The following FIGNL2 variants were observed in gnomAD, a reference collection of about 807,000 sequenced individuals.
The protein encoded by FIGNL2 is fidgetin like 2, also known as fidgetin-like protein 2.
For missense variants in FIGNL2, 1,060 were observed against 950.2 expected (o/e 1.12, Z -1.52); for synonymous variants, 565 against 484.0 (o/e 1.17, Z -2.20).
chr12:51,827,160 G>C (rs1033049927), intron 1 of FIGNL2, among the ~76,000 whole-genome samples: 5 of 152,190 alleles, frequency 3.3e-5, no homozygotes, highest in African/African-American at 1.2e-4. Context: ...TCCCACAGGA[G>C]CCTCAGGAAG....
At chr12:51,826,939 CAT>C (rs1031283890) in intron 1 of FIGNL2, among the ~76,000 whole-genome samples, 5 of 152,258 alleles carry the variant, frequency 3.3e-5, no homozygotes, top group Non-Finnish European at 5.9e-5. Context: ...GCTGCAGGCA[CAT>C]GTGCATATGT....
intron 1 of FIGNL2, chr12:51,845,462 C>CG: frequency 1.2e-6 from 1 of 812,268 alleles, no homozygotes; most frequent in East Asian, 1.6e-4. Flanking sequence ...GGCTCACCGC[C>CG]CCCCCCCCAC....
chr12:51,821,421 C>T lies in FIGNL2; in HGVS notation c.993G>A (p.Lys331=), dbSNP rs116545797. The change falls in exon 2 of 2, where the codon AAG becomes AAA. Residue 331 remains lysine, a synonymous_variant. Coordinates refer to ENST00000618634, the MANE Select transcript of FIGNL2 (RefSeq NM_001384995.1). ...GGCCGTAGACGGGGGAGCCCAGGAC[C>T]TTGAGGGGGACGCCGCCACCGTACT... The part of the protein sequence containing the change: ...SGKYGGGVPL[K]VLGSPVYGPQ... 0.039 allele frequency: 60,377 copies of T among 1,538,262 alleles called. 2,080 individuals are homozygous for T. The highest frequency in any genetic ancestry group is 0.15 in the African/African-American group (10,443 of 71,372).
In FIGNL2 at chr12:51,848,075, C is replaced by T. The variant is rs990181654; in HGVS notation, c.-12+465G>A. On this transcript the variant is annotated intron_variant, in intron 1 of 1. Coordinates refer to ENST00000618634, the MANE Select transcript of FIGNL2 (RefSeq NM_001384995.1). ...ATCTCCGGGCCAGTAACCCAGCCCC[C>T]ACCCCTCCCACACACACACACAGGG... 1.4e-5 allele frequency: 13 copies of T among 921,788 alleles called. No homozygotes were observed. The Admixed American group carries it at 9.1e-4, about 64-fold the overall frequency. 57.1% of individuals were successfully genotyped at this position (921,788 alleles called of 1,614,324 possible).
At position 51,822,733 on chromosome 12, in the gene FIGNL2, C is replaced by A. The variant is rs539703928; in HGVS notation, c.-11-309G>T. Among the ~76,000 whole-genome samples the A allele has an allele frequency of 2.0e-5, 3 of 152,372 alleles. No homozygotes were observed. In the South Asian group the frequency reaches 6.2e-4, roughly 32 times the overall value. The stretch of plus-strand genomic sequence containing the variant: ...TTGTCCTGGCCACTCCAGCCATGTC[C>A]TTTGCAGGACACGTGATCCTTACTT... On this transcript the variant is annotated intron_variant, in intron 1 of 1. Transcript: ENST00000618634.
Position 51,821,157 on chromosome 12 carries a change from C to T in FIGNL2, c.1257G>A (p.Pro419=), listed in dbSNP as rs941382428. Residue 419 remains proline (P), a synonymous_variant, in exon 2 of 2, where the codon CCG becomes CCA. Coordinates refer to ENST00000618634, the MANE Select transcript of FIGNL2 (RefSeq NM_001384995.1). ...CGGTCCGCGGCGGGCGCAGGCTGCC[C>T]GGGTAGGCGGGCGGCCTGAGCAGGG... The part of the protein sequence containing the change: ...VWPLLRPPAY[P]GSLRPPRTVL... 6.8e-6 allele frequency: 10 copies of T among 1,476,440 alleles called. No individual in the cohort carries two copies. The highest frequency in any genetic ancestry group is 3.9e-5 in the South Asian group (3 of 77,330). The allele number at this position is 1,476,440 out of a possible 1,614,324, so 91.5% of individuals were successfully genotyped here. A position where few individuals can be genotyped will look rare whatever the true frequency, so the allele number is the denominator to read the frequency against.
intron 1 of FIGNL2, chr12:51,847,464 C>G (rs929039892): frequency 6.1e-6 from 6 of 985,370 alleles, no homozygotes; most frequent in Non-Finnish European, 7.2e-6. Context: ...TTCTTCAGTC[C>G]TCTATTCTCC....
intron 1 of FIGNL2, among the ~76,000 whole-genome samples, chr12:51,843,119 T>G (rs1434529878): frequency 6.6e-6 from 1 of 152,034 alleles, no homozygotes; most frequent in Non-Finnish European, 1.5e-5. Flanking sequence ...GGTCCATAGG[T>G]GTCCACTGCA....
intron 1 of FIGNL2, chr12:51,823,409 C>G (rs1939267911): frequency 6.6e-6 from 1 of 152,224 alleles, no homozygotes; most frequent in African/African-American, 2.4e-5. Context: ...ATGTTCCTGT[C>G]TTAGAGATCA....
intron 1 of FIGNL2, among the ~76,000 whole-genome samples, chr12:51,843,004 G>A (rs1259259334): frequency 6.6e-6 from 1 of 152,206 alleles, no homozygotes; most frequent in Non-Finnish European, 1.5e-5. Flanking sequence ...GGCACTTGTG[G>A]CAAAGCAACA....
intron 1 of FIGNL2, among the ~76,000 whole-genome samples, chr12:51,843,965 C>T (rs2139002791): frequency 6.6e-6 from 1 of 152,018 alleles, no homozygotes; most frequent in South Asian, 2.1e-4. Flanking sequence ...CCAGAACTTT[C>T]ACACACACAT....
intron 1 of FIGNL2, chr12:51,841,577 C>T (rs971207948): frequency 2.0e-5 from 3 of 152,234 alleles, no homozygotes; most frequent in Non-Finnish European, 4.4e-5. Context: ...CCTGCTCCCC[C>T]AGCCCTCCTT....
At chr12:51,825,762 G>T (rs565125407) in intron 1 of FIGNL2, 3 of 151,690 alleles carry the variant, frequency 2.0e-5, no homozygotes, top group Non-Finnish European at 4.4e-5. Flanking sequence ...GACTACAGGC[G>T]CCCGCTACCA....
Position 51,821,766 on chromosome 12 carries a change from A to G in FIGNL2, c.648T>C (p.Tyr216=). 7.8e-7 allele frequency: 1 copy of G among 1,280,172 alleles called. No homozygotes were observed. Among genetic ancestry groups the G allele is most frequent in the Non-Finnish European group, 9.8e-7 (1 of 1,020,120 alleles). The allele number at this position is 1,280,172 out of a possible 1,614,324, so 79.3% of individuals were successfully genotyped here. A position where few individuals can be genotyped will look rare whatever the true frequency, so the allele number is the denominator to read the frequency against. ...GGCCTGGGGGCGGCGGGAGCGCGCC[A>G]TAGCCGGGCTGCGCTGCGTAGCCCC... ...PAGGYAAQPG[Y]GALPPPPGPP... The change falls in exon 2 of 2, where the codon TAT becomes TAC. Residue 216 remains tyrosine (Y), a synonymous_variant. Coordinates refer to ENST00000618634, the MANE Select transcript of FIGNL2 (RefSeq NM_001384995.1).
intron 1 of FIGNL2, chr12:51,845,712 C>T (rs1286622218): frequency 1.0e-6 from 1 of 976,752 alleles, no homozygotes; most frequent in Non-Finnish European, 1.2e-6. Flanking sequence ...CCCTGGCTGA[C>T]CGACGGCAGG....
chr12:51,821,148 C>A lies in FIGNL2; in HGVS notation c.1266G>T (p.Leu422=). ...AGAGCAGGACGGTCCGCGGCGGGCG[C>A]AGGCTGCCCGGGTAGGCGGGCGGCC... ...LLRPPAYPGS[L]RPPRTVLLFG... Residue 422 remains leucine (L), a synonymous_variant, in exon 2 of 2, where the codon CTG becomes CTT. Transcript: ENST00000618634. 1 of 1,464,070 alleles carries A rather than the reference C, an allele frequency of 6.8e-7. No homozygotes were observed. The highest frequency in any genetic ancestry group is 8.9e-7 in the Non-Finnish European group (1 of 1,120,446). 90.7% of individuals were successfully genotyped at this position (1,464,070 alleles called of 1,614,324 possible).
At chr12:51,830,497 T>G (rs1476087604) in intron 1 of FIGNL2, among the ~76,000 whole-genome samples, 1 of 149,158 alleles carries the variant, frequency 6.7e-6, no homozygotes, top group South Asian at 2.1e-4. Flanking sequence ...TGAGTTGTTT[T>G]TTTTTTTTTT....
Position 51,847,593 on chromosome 12 carries a change from G to T in FIGNL2, c.-12+947C>A, listed in dbSNP as rs775247297. 3 of 985,428 alleles carry T rather than the reference G, an allele frequency of 3.0e-6. No individual in the cohort carries two copies. In the African/African-American group the frequency reaches 5.2e-5, roughly 17 times the overall value. 61.0% of individuals were successfully genotyped at this position (985,428 alleles called of 1,614,324 possible). A position where few individuals can be genotyped will look rare whatever the true frequency, so the allele number is the denominator to read the frequency against. On this transcript the variant is annotated intron_variant, in intron 1 of 1. Transcript: ENST00000618634. ...CCCGTCCACCCACCCCTGCGCTCCG[G>T]GCCGCCGCTGGGCGCAGGGTCCAGG... is the stretch of plus-strand genomic sequence containing the variant.
chr12:51,834,021 A>ATGGG (rs1565946265), intron 1 of FIGNL2, among the ~76,000 whole-genome samples: 34 of 148,526 alleles, frequency 2.3e-4, no homozygotes, highest in African/African-American at 7.5e-4. Context: ...AAATGGACGG[A>ATGGG]TGGATGGATG....
Sources: allele counts gnomAD v4.1 joint callset (sites outside exome capture counted in the v4.1 genomes callset), GRCh38; gene constraint gnomAD v4.1.1; transcripts MANE v1.5; gene names NCBI Gene and HGNC (gene_info 2026-07-23, HGNC 2026-07-21).